METTL14: variants seen among roughly 807,000 people sequenced by gnomAD.
The protein encoded by METTL14 is N(6)-adenosine-methyltransferase non-catalytic subunit METTL14.
In METTL14, 32 loss-of-function variants were observed where a neutral mutation model predicts 62.4. The ratio of observed to expected loss-of-function variants is 0.51; its 90% CI spans 0.39 to 0.69. The LOEUF (loss-of-function observed/expected upper bound fraction) is 0.69, where lower values mean the gene tolerates loss of function less well. METTL14 is among the 30% of genes least tolerant of loss of function. The probability of loss-of-function intolerance (pLI) is 0.00; values close to 1 mark genes in which losing one functional copy is unlikely to be tolerated. For synonymous variants in METTL14, 150 were observed against 180.0 expected, an observed-to-expected ratio of 0.83 and a Z score of 1.34; for missense variants, 340 against 551.9, an observed-to-expected ratio of 0.62 and a Z score of 3.85.
intron 8 of METTL14, among the ~76,000 whole-genome samples, chr4:118,702,938 T>TTTATCA (rs1553981927): frequency 7.4e-6 from 1 of 135,160 alleles, no homozygotes; most frequent in African/African-American, 2.7e-5. Flanking sequence ...GTTGGAAGGT[T>TTTATCA]TTATTATTAT....
At chr4:118,698,985 T>C in intron 7 of METTL14, among the ~76,000 whole-genome samples, 1 of 152,024 alleles carries the variant, frequency 6.6e-6, no homozygotes. Context: ...ATAAAAGAAA[T>C]TTAAAAACGA....
rs534145436 is a variant in METTL14, at chr4:118,693,167, T to A, written c.412+1099T>A. ...TTGGCACTTACTATTATCTGTTTTTTATTGTAGCCATCCTAGAAAGTGTGA... is the reference window on the plus strand; with the variant it reads ...TTGGCACTTACTATTATCTGTTTTTAATTGTAGCCATCCTAGAAAGTGTGA... On this transcript the variant is annotated intron_variant, in intron 5 of 10. Transcript: ENST00000388822. Among the ~76,000 whole-genome samples the A allele has an allele frequency of 3.9e-5, 6 of 152,348 alleles. No individual in the cohort carries two copies. In the South Asian group the frequency reaches 1.2e-3, roughly 32 times the overall value.
chr4:118,705,661 G>A lies in METTL14; in HGVS notation c.906G>A (p.Gly302=), dbSNP rs777467944. ...IKGTVKRSTD[G]DFIHANVDID... is the part of the protein sequence containing the mutation. ...GAACTGTGAAGCGTAGCACAGACGGGGACTTCATTCATGCTAATGTTGACA... is the reference window on the plus strand; with the variant it reads ...GAACTGTGAAGCGTAGCACAGACGGAGACTTCATTCATGCTAATGTTGACA... Residue 302 remains glycine, a synonymous_variant, in exon 10 of 11, where the codon GGG becomes GGA. Coordinates refer to ENST00000388822, the MANE Select transcript of METTL14 (RefSeq NM_020961.4). The A allele has an allele frequency of 1.9e-6, 3 of 1,613,948 alleles. No homozygotes were observed. Among genetic ancestry groups the A allele is most frequent in the Non-Finnish European group, 2.5e-6 (3 of 1,180,036 alleles).
chr4:118,713,543 G>C lies in METTL14; in HGVS notation c.*3241G>C, dbSNP rs1724983084. 1 of 152,092 alleles carries C rather than the reference G, an allele frequency of 6.6e-6. No homozygotes were observed. The highest frequency in any genetic ancestry group is 1.5e-5 in the Non-Finnish European group (1 of 68,012). The allele number at this position is 152,092 out of a possible 1,614,324, so 9.4% of individuals were successfully genotyped here. ...AACATGACAAAATGAAAGCCCTGTT[G>C]GGACTTAGTCTAAACAGTAGTCTTT... On this transcript the variant is annotated 3_prime_UTR_variant, in exon 11 of 11. Transcript: ENST00000388822.
At chr4:118,702,066 A>G (rs1724608957) in intron 8 of METTL14, among the ~76,000 whole-genome samples, 1 of 150,434 alleles carries the variant, frequency 6.6e-6, no homozygotes, top group South Asian at 2.1e-4. Flanking sequence ...TCTGACTTTG[A>G]TCTTTCCTTT....
At chr4:118,693,515 T>A (rs895360380) in intron 5 of METTL14, among the ~76,000 whole-genome samples, 2 of 152,218 alleles carry the variant, frequency 1.3e-5, no homozygotes, top group Non-Finnish European at 2.9e-5. Flanking sequence ...ACATTCTATT[T>A]TTGATATAAT....
chr4:118,705,032 A>G (rs1560884106), intron 9 of METTL14, among the ~76,000 whole-genome samples: 1 of 152,218 alleles, frequency 6.6e-6, no homozygotes, highest in Non-Finnish European at 1.5e-5. Flanking sequence ...ATTGCTTGGT[A>G]TGGGAAAAAC....
At chr4:118,685,664 C>A in intron 1 of METTL14, 64 bp downstream of exon 1, 2 of 1,385,436 alleles carry the variant, frequency 1.4e-6, no homozygotes, top group South Asian at 1.2e-5. Context: ...CGCCTCCTCC[C>A]TCCACACCCC....
At chr4:118,701,274 C>T (rs1724582560) in intron 8 of METTL14, among the ~76,000 whole-genome samples, 1 of 150,752 alleles carries the variant, frequency 6.6e-6, no homozygotes, top group African/African-American at 2.4e-5. Flanking sequence ...GCCTCGACCT[C>T]CTGGACTCAA....
intron 8 of METTL14, 38 bp downstream of exon 8, chr4:118,700,680 A>G (rs551725406): frequency 3.4e-6 from 5 of 1,450,758 alleles, no homozygotes; most frequent in African/African-American, 2.8e-5. Flanking sequence ...TTTTAAATTA[A>G]TAAGAAAAAA....
chr4:118,714,337 T>C lies in METTL14; in HGVS notation c.*4035T>C, dbSNP rs962760959. 8.5e-5 allele frequency: 13 copies of C among 152,174 alleles called. No individual in the cohort carries two copies. The highest frequency in any genetic ancestry group is 7.9e-4 in the Admixed American group (12 of 15,282). The allele number at this position is 152,174 out of a possible 1,614,324, so 9.4% of individuals were successfully genotyped here. On this transcript the variant is annotated 3_prime_UTR_variant, in exon 11 of 11. Transcript: ENST00000388822. ...AGTGCGTTAGTAAATGGCCACTGAC[T>C]CTTGGTCTCAGGCCATAGCAACTAT...
intron 3 of METTL14, among the ~76,000 whole-genome samples, 191 bp from the exon 4 acceptor site, chr4:118,691,341 A>T (rs1053153926): frequency 6.6e-6 from 1 of 152,106 alleles, no homozygotes; most frequent in South Asian, 2.1e-4. Context: ...ATGATAGGAA[A>T]TTTTTTTATG....
At chr4:118,705,565 T>G (rs767236239) in intron 9 of METTL14, 46 bp from the exon 10 acceptor site, 1 of 1,457,358 alleles carries the variant, frequency 6.9e-7, no homozygotes. Context: ...GGTTTTGGAA[T>G]GACTGTTGAT....
chr4:118,696,695 TACTAATGAAAAA>T (rs534947234), intron 6 of METTL14, among the ~76,000 whole-genome samples: 21 of 152,286 alleles, frequency 1.4e-4, no homozygotes, highest in African/African-American at 5.1e-4. Flanking sequence ...GAAACATTTT[TACTAATGAAAAA>T]ACTAATAAAA....
In METTL14 at chr4:118,700,651, G is replaced by T; in HGVS notation, c.738+9G>T. 1 of 1,580,060 alleles carries T rather than the reference G, an allele frequency of 6.3e-7. No individual in the cohort carries two copies. The highest frequency in any genetic ancestry group is 1.2e-5 in the South Asian group (1 of 85,514). On this transcript the variant is annotated intron_variant, in intron 8 of 10. Transcript: ENST00000388822. ...TGGACCTTGGAAGAGTGGTAAGATG[G>T]TGCTTTTATAAAGTGGATTTTTAAA... is the stretch of plus-strand genomic sequence containing the variant.
Position 118,710,327 on chromosome 4 carries a change from A to C in METTL14, c.*25A>C, listed in dbSNP as rs766192980. On this transcript the variant is annotated 3_prime_UTR_variant, in exon 11 of 11. Coordinates refer to ENST00000388822, the MANE Select transcript of METTL14 (RefSeq NM_020961.4). Reference sequence around the variant, plus strand: ...ATTGTTGAAGACATTGAACCTATTCATCCTCCTCTAACCTTCTTTATTGTA... The same window carrying C: ...ATTGTTGAAGACATTGAACCTATTCCTCCTCCTCTAACCTTCTTTATTGTA... 1.8e-5 allele frequency: 28 copies of C among 1,583,290 alleles called. No individual in the cohort carries two copies. The South Asian group carries it at 2.7e-4, about 15-fold the overall frequency.
intron 7 of METTL14, among the ~76,000 whole-genome samples, chr4:118,698,089 T>G (rs1179361580): frequency 3.3e-5 from 5 of 152,092 alleles, no homozygotes; most frequent in Admixed American, 2.0e-4. Context: ...TTAATAAGTC[T>G]GAAGAGTTTT....
rs1724873953 is a variant in METTL14 at position 118,710,069 on chromosome 4, G to T, written c.1138G>T (p.Ala380Ser). The change falls in exon 11 of 11, where the codon GCT (alanine) becomes TCT (serine). Residue 380 changes from alanine to serine, a missense_variant. Ala to Ser is a moderately conservative substitution (Grantham distance 99, BLOSUM62 1). Transcript: ENST00000388822. ...NAETYASYFS[A>S]PNSYLTGCTE... is the part of the protein sequence containing the mutation. ...AGAAACATATGCATCCTATTTCAGT[G>T]CTCCTAATTCCTACTTGACTGGTTG... 6.2e-7 allele frequency: 1 copy of T among 1,614,154 alleles called. No homozygotes were observed.
chr4:118,704,784 G>C (rs796901709), intron 9 of METTL14, among the ~76,000 whole-genome samples: 15 of 152,282 alleles, frequency 9.9e-5, no homozygotes, highest in African/African-American at 2.9e-4. Flanking sequence ...AGTAAGTAAA[G>C]AGCTTTCCTG....
Sources: gnomAD v4.1 joint callset for allele counts (sites outside exome capture counted in the v4.1 genomes callset) on GRCh38, gnomAD v4.1.1 for gene constraint, MANE v1.5 for transcripts, NCBI Gene and HGNC (gene_info 2026-07-23, HGNC 2026-07-21) for gene names.